FAM25G: variants seen among roughly 807,000 people sequenced by gnomAD.
FAM25G encodes the protein family with sequence similarity 25 member G, also known as protein FAM25G.
A neutral mutation model predicts 6.4 loss-of-function variants in FAM25G; 3 were observed. That is an observed-to-expected ratio of 0.47 (90% CI 0.21 to 1.21). The LOEUF is 1.21. FAM25G is among the 50% of genes most tolerant of loss of function. The pLI is 0.22. For missense variants in FAM25G, 34 were observed against 76.0 expected, an observed-to-expected ratio of 0.45 and a Z score of 2.06; for synonymous variants, 15 against 31.3, an observed-to-expected ratio of 0.48 and a Z score of 1.74.
At chr10:47,490,427 G>A (rs1171259893) in intron 1 of FAM25G, 2 of 150,984 alleles carry the variant, frequency 1.3e-5, no homozygotes, top group Admixed American at 6.5e-5. Context: ...TGGGAGCAGG[G>A]CGCTATCGCG....
chr10:47,488,489 G>A lies in FAM25G; in HGVS notation c.137-1081C>T, dbSNP rs1455035861. 3.8e-4 allele frequency among the ~76,000 whole-genome samples: 57 copies of A among 150,876 alleles called. 1 individual carries two copies. Among genetic ancestry groups the A allele is most frequent in the South Asian group, 1.0e-3 (5 of 4,780 alleles). ...GCTTCCCGAAGGGCTAGGATTACAG[G>A]CGTGAGCCACTGCACCTGGCCTATG... On this transcript the variant is annotated intron_variant, in intron 2 of 2. Coordinates refer to ENST00000452267, the MANE Select transcript of FAM25G (RefSeq NM_001137549.2).
rs1347220844 is a variant in FAM25G at position 47,489,358 on chromosome 10, G to C, written c.136+228C>G. Among the ~76,000 whole-genome samples, 1,225 of 150,296 alleles carry C rather than the reference G, an allele frequency of 8.2e-3. 12 individuals are homozygous for C. The highest frequency in any genetic ancestry group is 0.013 in the Non-Finnish European group (886 of 67,592). Reference sequence around the variant, plus strand: ...TCCCAGTGTGCTGTCACATAGTCTTGTGTGACTTTGTCTTCTTATTCCACA... The same window carrying C: ...TCCCAGTGTGCTGTCACATAGTCTTCTGTGACTTTGTCTTCTTATTCCACA... On this transcript the variant is annotated intron_variant, in intron 2 of 2. Transcript: ENST00000452267.
At position 47,488,712 on chromosome 10, in the gene FAM25G, AATTTT is replaced by A. The variant is rs1355295108; in HGVS notation, c.136+869_136+873del. Among the ~76,000 whole-genome samples the A allele has an allele frequency of 2.2e-3, 214 of 95,880 alleles. 6 individuals carry two copies. Among genetic ancestry groups the A allele is most frequent in the African/African-American group, 8.3e-3 (200 of 24,170 alleles). The allele number at this position is 95,880 out of a possible 152,430, so 62.9% of individuals were successfully genotyped here. ...ATTTAACATAGAATTTTACATGTTAAATTTTTTTTTTTTTTTTTTTTTTTTTTTTT... is the reference window on the plus strand; with the variant it reads ...ATTTAACATAGAATTTTACATGTTAATTTTTTTTTTTTTTTTTTTTTTTTT... On this transcript the variant is annotated intron_variant, in intron 2 of 2. Coordinates refer to ENST00000452267, the MANE Select transcript of FAM25G (RefSeq NM_001137549.2).
chr10:47,491,689 C>T lies in FAM25G; in HGVS notation c.-15G>A. 1.3e-6 allele frequency: 2 copies of T among 1,537,918 alleles called. No homozygotes were observed. Among genetic ancestry groups the T allele is most frequent in the Admixed American group, 3.9e-5 (2 of 50,832 alleles). ...CCTCCCAGCATCGTGTGGCAGCAGA[C>T]AGTGGCGAACTAGGATGCTGAGGAC... On this transcript the variant is annotated 5_prime_UTR_variant, in exon 1 of 3. Transcript: ENST00000452267.
At chr10:47,489,873 C>A (rs1179552818) in intron 1 of FAM25G, among the ~76,000 whole-genome samples, 2 of 147,752 alleles carry the variant, frequency 1.4e-5, no homozygotes, top group African/African-American at 5.1e-5. Context: ...GGTGCCACCC[C>A]CAGCCAGGAC....
intron 2 of FAM25G, among the ~76,000 whole-genome samples, chr10:47,488,711 AAAT>A (rs1840088943): frequency 1.1e-5 from 1 of 94,280 alleles, no homozygotes; most frequent in Non-Finnish European, 2.1e-5. Context: ...TTTACATGTT[AAAT>A]TTTTTTTTTT....
At chr10:47,487,435 G>C in intron 2 of FAM25G, 27 bp from the exon 3 acceptor site, 2 of 972,156 alleles carry the variant, frequency 2.1e-6, no homozygotes, top group Non-Finnish European at 2.9e-6. Context: ...GAATGTCCTA[G>C]TGATCCACCT....
At position 47,491,624 on chromosome 10, in the gene FAM25G, G is replaced by T. The variant is rs1207162674; in HGVS notation, c.51C>A (p.Thr17=). 1.8e-3 allele frequency: 2,752 copies of T among 1,535,204 alleles called. 39 individuals carry two copies. The highest frequency in any genetic ancestry group is 1.8e-3 in the Non-Finnish European group (2,100 of 1,138,524). ...CACTGGCTCCCTCGGTGGCCTTCTC[G>T]GTGCGGTGGGCCAGGCCCTCGGCAG... ...KLAAEGLAHR[T]EKATEGAIHA... The change falls in exon 1 of 3, where the codon ACC becomes ACA. Residue 17 remains threonine, a synonymous_variant. Transcript: ENST00000452267.
chr10:47,487,780 T>C (rs1375290958), intron 2 of FAM25G, among the ~76,000 whole-genome samples: 1 of 147,854 alleles, frequency 6.8e-6, no homozygotes, highest in African/African-American at 2.5e-5. Context: ...TAGTGTTTTT[T>C]TTTTTGGCTA....
At chr10:47,488,985 G>A (rs1439159686) in intron 2 of FAM25G, among the ~76,000 whole-genome samples, 1 of 148,046 alleles carries the variant, frequency 6.8e-6, no homozygotes, top group Non-Finnish European at 1.5e-5. Flanking sequence ...AAAGTGCTGG[G>A]ATTACAGGCG....
rs1349903517 is a variant in FAM25G at position 47,488,406 on chromosome 10, T to TAG, written c.137-999_137-998insCT. 6.9e-4 allele frequency among the ~76,000 whole-genome samples: 97 copies of TAG among 139,576 alleles called. 1 individual carries two copies. Among genetic ancestry groups the TAG allele is most frequent in the African/African-American group, 2.6e-3 (95 of 36,830 alleles). The allele number at this position is 139,576 out of a possible 152,430, so 91.6% of individuals were successfully genotyped here. A position where few individuals can be genotyped will look rare whatever the true frequency, so the allele number is the denominator to read the frequency against. Reference sequence around the variant, plus strand: ...TTGTATTTTTAGTAGCAATGGGGTTTTACCATATTGGTCAGGCTGGTCTCG... The same window carrying TAG: ...TTGTATTTTTAGTAGCAATGGGGTTTAGTACCATATTGGTCAGGCTGGTCTCG... On this transcript the variant is annotated intron_variant, in intron 2 of 2. Coordinates refer to ENST00000452267, the MANE Select transcript of FAM25G (RefSeq NM_001137549.2).
chr10:47,487,443 C>A (rs1840068133), intron 2 of FAM25G, 35 bp from the exon 3 acceptor site: 1 of 895,618 alleles, frequency 1.1e-6, no homozygotes, highest in African/African-American at 1.8e-5. Context: ...TAGTGATCCA[C>A]CTGCTGAACT....
At chr10:47,489,962 G>T (rs1321169606) in intron 1 of FAM25G, among the ~76,000 whole-genome samples, 1 of 150,692 alleles carries the variant, frequency 6.6e-6, no homozygotes, top group Non-Finnish European at 1.5e-5. Context: ...TGGGAGACGA[G>T]CTCAATGAGC....
intron 2 of FAM25G, among the ~76,000 whole-genome samples, chr10:47,488,531 G>A (rs1840085776): frequency 2.6e-5 from 4 of 151,400 alleles, no homozygotes; most frequent in Non-Finnish European, 1.5e-5. Flanking sequence ...TATAAGAGCA[G>A]CCTGAGCTAA....
chr10:47,487,251 G>A lies in FAM25G; in HGVS notation c.*24C>T, dbSNP rs1284865521. 6 of 1,254,160 alleles carry A rather than the reference G, an allele frequency of 4.8e-6. No homozygotes were observed. The highest frequency in any genetic ancestry group is 6.6e-6 in the Non-Finnish European group (6 of 915,244). The allele number at this position is 1,254,160 out of a possible 1,614,324, so 77.7% of individuals were successfully genotyped here. A position where few individuals can be genotyped will look rare whatever the true frequency, so the allele number is the denominator to read the frequency against. On this transcript the variant is annotated 3_prime_UTR_variant, in exon 3 of 3. Transcript: ENST00000452267. ...GTCATGGCTTTTTATTGAGACTGGG[G>A]AAGGGCCGTGGTAGCAGGTGCACTC...
At position 47,488,217 on chromosome 10, in the gene FAM25G, GT is replaced by G. The variant is rs1255859689; in HGVS notation, c.137-810del. Among the ~76,000 whole-genome samples the G allele has an allele frequency of 3.7e-4, 50 of 135,300 alleles. 2 individuals carry two copies. In the East Asian group the frequency reaches 0.01, roughly 28 times the overall value. 88.8% of individuals were successfully genotyped at this position (135,300 alleles called of 152,430 possible). A position where few individuals can be genotyped will look rare whatever the true frequency, so the allele number is the denominator to read the frequency against. On this transcript the variant is annotated intron_variant, in intron 2 of 2. Coordinates refer to ENST00000452267, the MANE Select transcript of FAM25G (RefSeq NM_001137549.2). ...TTCTAAGTCACCCAGTTTATGGTTT[GT>G]TTTTGTTTTTGAGACAGAGTCTTGC... is the stretch of plus-strand genomic sequence containing the variant.
chr10:47,488,806 C>A (rs1278868771), intron 2 of FAM25G, among the ~76,000 whole-genome samples: 7 of 133,808 alleles, frequency 5.2e-5, no homozygotes, highest in African/African-American at 2.0e-4. Flanking sequence ...CGGCTCACTG[C>A]AAGCTCCACC....
chr10:47,487,708 G>T (rs1840072240), intron 2 of FAM25G, among the ~76,000 whole-genome samples: 1 of 147,502 alleles, frequency 6.8e-6, no homozygotes, highest in African/African-American at 2.5e-5. Flanking sequence ...TGTTATATTG[G>T]ATTATCATTT....
intron 2 of FAM25G, among the ~76,000 whole-genome samples, chr10:47,488,908 T>C (rs1840095784): frequency 6.8e-6 from 1 of 146,430 alleles, no homozygotes; most frequent in South Asian, 2.2e-4. Flanking sequence ...TTTGTATTTT[T>C]AGTAGAGATG....
Sources: gnomAD v4.1 joint callset for allele counts (sites outside exome capture counted in the v4.1 genomes callset) on GRCh38, gnomAD v4.1.1 for gene constraint, MANE v1.5 for transcripts, NCBI Gene and HGNC (gene_info 2026-07-23, HGNC 2026-07-21) for gene names.